The following CDH13 variants were observed in gnomAD, a reference collection of about 807,000 sequenced individuals.
CDH13 encodes cadherin-13.
CDH13 carries 24 observed loss-of-function variants against 63.8 expected under a neutral mutation model. That is an observed-to-expected ratio of 0.38 (90% CI 0.27 to 0.53). The LOEUF (loss-of-function observed/expected upper bound fraction) is 0.53. Among genes scored for constraint, CDH13 ranks in the 20% least tolerant of loss-of-function variants. The probability of loss-of-function intolerance (pLI) is 0.85; values close to 1 mark genes in which losing one functional copy is unlikely to be tolerated. For synonymous variants in CDH13, 503 were observed against 355.3 expected, an observed-to-expected ratio of 1.42 and a Z score of -4.67; for missense variants, 1,049 against 903.1, an observed-to-expected ratio of 1.16 and a Z score of -2.07.
chr16:83,133,170 G>A (rs997547593), intron 4 of CDH13, among the ~76,000 whole-genome samples: 7 of 152,188 alleles, frequency 4.6e-5, no homozygotes, highest in Non-Finnish European at 7.3e-5. Flanking sequence ...GGACAACTTG[G>A]CAGTTGAATG....
chr16:83,104,881 G>A (rs763593088), intron 3 of CDH13, among the ~76,000 whole-genome samples: 37 of 152,128 alleles, frequency 2.4e-4, no homozygotes, highest in Non-Finnish European at 3.4e-4. Flanking sequence ...GGACCAAATC[G>A]ATCGAGTTCT....
intron 7 of CDH13, among the ~76,000 whole-genome samples, chr16:83,527,461 A>T (rs1225699045): frequency 3.3e-5 from 5 of 151,754 alleles, no homozygotes; most frequent in Admixed American, 2.6e-4. Context: ...AAAAAAAAAA[A>T]TTAAAAATTA....
intron 5 of CDH13, among the ~76,000 whole-genome samples, chr16:83,233,559 A>T (rs1482882760): frequency 6.6e-6 from 1 of 152,152 alleles, no homozygotes; most frequent in Non-Finnish European, 1.5e-5. Context: ...CTTCTTCTGG[A>T]AGGGAGCATC....
chr16:82,704,988 T>C, intron 1 of CDH13: 1 of 364,008 alleles, frequency 2.7e-6, no homozygotes, highest in South Asian at 2.1e-5. Flanking sequence ...TGCTGCTGCC[T>C]CATGAGGAAG....
chr16:83,190,267 G>A (rs890374997), intron 4 of CDH13, among the ~76,000 whole-genome samples: 24 of 152,190 alleles, frequency 1.6e-4, no homozygotes, highest in Admixed American at 1.2e-3. Context: ...GAATGTCATG[G>A]CACCATGATT....
intron 4 of CDH13, among the ~76,000 whole-genome samples, chr16:83,136,803 C>A (rs2036309920): frequency 6.6e-6 from 1 of 152,110 alleles, no homozygotes; most frequent in South Asian, 2.1e-4. Flanking sequence ...TTCCCAGATT[C>A]GTAGGAGTGG....
intron 3 of CDH13, among the ~76,000 whole-genome samples, chr16:83,092,737 C>T (rs1381602116): frequency 6.6e-6 from 1 of 152,080 alleles, no homozygotes; most frequent in Non-Finnish European, 1.5e-5. Context: ...CCAAATACAC[C>T]TATTATTACC....
chr16:82,883,651 G>A (rs1296951256), intron 2 of CDH13, among the ~76,000 whole-genome samples: 1 of 152,130 alleles, frequency 6.6e-6, no homozygotes, highest in African/African-American at 2.4e-5. Flanking sequence ...TCTCTACGAG[G>A]GAGTCATAAA....
chr16:82,753,290 C>G (rs916094346), intron 1 of CDH13, among the ~76,000 whole-genome samples: 3 of 152,154 alleles, frequency 2.0e-5, no homozygotes, highest in Non-Finnish European at 2.9e-5. Context: ...ATTCAAAGTT[C>G]ATATCTCACT....
At chr16:83,742,046 G>C (rs952552528) in intron 10 of CDH13, among the ~76,000 whole-genome samples, 20 of 152,354 alleles carry the variant, frequency 1.3e-4, no homozygotes, top group African/African-American at 4.8e-4. Context: ...CTCACAGAAA[G>C]CGAGTGACCC....
chr16:83,681,414 G>C (rs1470367318), intron 10 of CDH13, among the ~76,000 whole-genome samples: 1 of 152,176 alleles, frequency 6.6e-6, no homozygotes. Flanking sequence ...ATGTGTGTGT[G>C]CATGTGCATA....
At chr16:83,577,061 C>T (rs1905131771) in intron 7 of CDH13, among the ~76,000 whole-genome samples, 1 of 152,200 alleles carries the variant, frequency 6.6e-6, no homozygotes, top group Non-Finnish European at 1.5e-5. Flanking sequence ...ATCAAGGACT[C>T]CCATATGCAA....
rs115044897 is a variant in CDH13, at chr16:82,736,327, G to A, written c.45+109190G>A. ...GTTAAGGAAGGCCCAAAGACAAAGCGGAGTTGTTAAGGGAAGAAAAAAACA... is the reference window on the plus strand; with the variant it reads ...GTTAAGGAAGGCCCAAAGACAAAGCAGAGTTGTTAAGGGAAGAAAAAAACA... On this transcript the variant is annotated intron_variant, in intron 1 of 13. Coordinates refer to ENST00000567109, the MANE Select transcript of CDH13 (RefSeq NM_001257.5). Among the ~76,000 whole-genome samples the A allele has an allele frequency of 4.8e-3, 726 of 152,210 alleles. 3 individuals carry two copies. Among genetic ancestry groups the A allele is most frequent in the Middle Eastern group, 0.017 (5 of 294 alleles).
chr16:83,551,890 A>G (rs1481535330), intron 7 of CDH13, among the ~76,000 whole-genome samples: 2 of 152,184 alleles, frequency 1.3e-5, no homozygotes, highest in East Asian at 3.9e-4. Flanking sequence ...ACTTAATGTT[A>G]GTTGAAAGAA....
chr16:83,739,654 G>C (rs1293616584), intron 10 of CDH13, among the ~76,000 whole-genome samples: 1 of 152,202 alleles, frequency 6.6e-6, no homozygotes, highest in Non-Finnish European at 1.5e-5. Context: ...AGAAGTGGGA[G>C]TTTGGCTGGG....
chr16:83,375,335 G>A (rs899018247), intron 6 of CDH13, among the ~76,000 whole-genome samples: 5 of 152,338 alleles, frequency 3.3e-5, no homozygotes, highest in Admixed American at 6.5e-5. Flanking sequence ...TGAGCTCATG[G>A]TTTGTGGTTG....
chr16:83,248,715 G>T (rs772943320), intron 5 of CDH13, among the ~76,000 whole-genome samples: 1 of 152,004 alleles, frequency 6.6e-6, no homozygotes, highest in East Asian at 1.9e-4. Context: ...CCTTCTCCAA[G>T]TTCCTTCCCT....
intron 4 of CDH13, among the ~76,000 whole-genome samples, chr16:83,176,728 A>G (rs960548096): frequency 1.3e-5 from 2 of 152,088 alleles, no homozygotes; most frequent in Admixed American, 1.3e-4. Context: ...ATATATTATT[A>G]AAGTTTGCGA....
At chr16:82,750,148 C>G (rs911384447) in intron 1 of CDH13, among the ~76,000 whole-genome samples, 3 of 152,226 alleles carry the variant, frequency 2.0e-5, no homozygotes, top group Non-Finnish European at 2.9e-5. Flanking sequence ...TGGAGGTTAA[C>G]TCCAAAAGCA....
Sources: allele counts gnomAD v4.1 joint callset (sites outside exome capture counted in the v4.1 genomes callset), GRCh38; gene constraint gnomAD v4.1.1; transcripts MANE v1.5; gene names NCBI Gene and HGNC (gene_info 2026-07-23, HGNC 2026-07-21).